The following ASIC2 variants were observed in gnomAD, a reference collection of about 807,000 sequenced individuals.
ASIC2 encodes the protein acid sensing ion channel subunit 2.
ASIC2 carries 25 observed loss-of-function variants against 57.3 expected under a neutral mutation model. That is an observed-to-expected ratio of 0.44 (90% CI 0.32 to 0.61). The LOEUF (loss-of-function observed/expected upper bound fraction) is 0.61. Among genes scored for constraint, ASIC2 ranks in the 20% least tolerant of loss-of-function variants. The probability of loss-of-function intolerance (pLI) is 0.06; values close to 1 mark genes in which losing one functional copy is unlikely to be tolerated. For synonymous variants in ASIC2, 319 were observed against 307.5 expected (o/e 1.04, Z -0.39); for missense variants, 641 against 738.1 (o/e 0.87, Z 1.52).
rs149552216 is a variant in ASIC2 at position 33,207,221 on chromosome 17, C to T, written c.708+84187G>A. On this transcript the variant is annotated intron_variant, in intron 1 of 9. Transcript: ENST00000225823. Reference sequence around the variant, plus strand: ...GAAGAGGACGGACGGAAGTGGTGAACGGCGCTTTATCCTAGCGCTTTCTCA... The same window carrying T: ...GAAGAGGACGGACGGAAGTGGTGAATGGCGCTTTATCCTAGCGCTTTCTCA... Among the ~76,000 whole-genome samples the T allele has an allele frequency of 9.8e-5, 15 of 152,314 alleles. No individual in the cohort carries two copies. The East Asian group carries it at 1.9e-3, about 20-fold the overall frequency.
intron 1 of ASIC2, among the ~76,000 whole-genome samples, chr17:33,350,885 T>C (rs1430410925): frequency 6.6e-6 from 1 of 152,182 alleles, no homozygotes; most frequent in African/African-American, 2.4e-5. Context: ...AAAAAATCCC[T>C]GAATCTCTCT....
chr17:34,064,363 T>C (rs747572883), intron 1 of ASIC2, among the ~76,000 whole-genome samples: 9 of 152,188 alleles, frequency 5.9e-5, no homozygotes, highest in Non-Finnish European at 8.8e-5. Context: ...TCTCACCTTA[T>C]ACAAAAATCA....
chr17:33,576,895 G>A (rs1172420315), intron 1 of ASIC2, among the ~76,000 whole-genome samples: 1 of 152,132 alleles, frequency 6.6e-6, no homozygotes, highest in African/African-American at 2.4e-5. Flanking sequence ...TCTATAAAAT[G>A]GGAGTATCAA....
chr17:33,330,787 A>T (rs1447410223), intron 1 of ASIC2, among the ~76,000 whole-genome samples: 1 of 152,132 alleles, frequency 6.6e-6, no homozygotes, highest in Non-Finnish European at 1.5e-5. Context: ...AGTCATAAGA[A>T]TAGACTTGCA....
chr17:33,892,464 C>T (rs765725952), intron 1 of ASIC2, among the ~76,000 whole-genome samples: 1 of 152,126 alleles, frequency 6.6e-6, no homozygotes. Flanking sequence ...TGGCAACCTC[C>T]TCATCAGCTT....
chr17:33,527,838 C>A (rs1330904884), intron 1 of ASIC2, among the ~76,000 whole-genome samples: 2 of 152,050 alleles, frequency 1.3e-5, no homozygotes, highest in African/African-American at 4.8e-5. Context: ...CACTGAGAGA[C>A]CTGGAGCAAA....
At chr17:33,854,260 TA>T (rs541004043) in intron 1 of ASIC2, among the ~76,000 whole-genome samples, 27 of 151,650 alleles carry the variant, frequency 1.8e-4, no homozygotes, top group African/African-American at 6.1e-4. Flanking sequence ...CATGTCAGTT[TA>T]GTGGGTGGCA....
At chr17:33,771,639 G>A (rs1911116260) in intron 1 of ASIC2, among the ~76,000 whole-genome samples, 1 of 152,034 alleles carries the variant, frequency 6.6e-6, no homozygotes, top group Admixed American at 6.6e-5. Context: ...CCTTTTCCCT[G>A]TCTCACTGCA....
intron 1 of ASIC2, among the ~76,000 whole-genome samples, chr17:34,065,045 G>T (rs1909120215): frequency 6.6e-6 from 1 of 152,004 alleles, no homozygotes; most frequent in South Asian, 2.1e-4. Flanking sequence ...ATCCAGAGAA[G>T]AAGTCATTAT....
At chr17:33,624,076 T>C (rs1301535647) in intron 1 of ASIC2, 1 of 152,238 alleles carries the variant, frequency 6.6e-6, no homozygotes, top group Non-Finnish European at 1.5e-5. Context: ...GTGGCTATTT[T>C]TACTCACCCT....
At chr17:33,163,306 A>G (rs1171081954) in intron 1 of ASIC2, among the ~76,000 whole-genome samples, 1 of 152,118 alleles carries the variant, frequency 6.6e-6, no homozygotes, top group African/African-American at 2.4e-5. Flanking sequence ...CTTCTGTCCT[A>G]GAGGTGGCCT....
intron 1 of ASIC2, among the ~76,000 whole-genome samples, chr17:34,043,156 G>A (rs947704433): frequency 2.6e-5 from 4 of 152,288 alleles, no homozygotes; most frequent in African/African-American, 9.6e-5. Context: ...ATGGTGGCAG[G>A]GTAGGATGGG....
chr17:33,133,503 A>G (rs1056704273), intron 1 of ASIC2, among the ~76,000 whole-genome samples: 2 of 152,208 alleles, frequency 1.3e-5, no homozygotes, highest in African/African-American at 4.8e-5. Flanking sequence ...GTTGCCTTAC[A>G]TGTTATTATG....
chr17:33,518,190 C>T (rs181840498), intron 1 of ASIC2, among the ~76,000 whole-genome samples: 80 of 152,332 alleles, frequency 5.3e-4, no homozygotes, highest in Non-Finnish European at 6.8e-4. Flanking sequence ...TCCTCAATAA[C>T]GCCTGAACTC....
intron 8 of ASIC2, among the ~76,000 whole-genome samples, 186 bp downstream of exon 8, chr17:33,017,418 CA>C (rs1567717512): frequency 6.6e-6 from 1 of 152,168 alleles, no homozygotes; most frequent in African/African-American, 2.4e-5. Flanking sequence ...CACCGCCCCC[CA>C]AAAACCTCCC....
At chr17:33,189,108 T>C (rs1906314562) in intron 1 of ASIC2, among the ~76,000 whole-genome samples, 1 of 152,120 alleles carries the variant, frequency 6.6e-6, no homozygotes, top group African/African-American at 2.4e-5. Context: ...AGAGCTGTAG[T>C]TTTAGGAGTG....
intron 1 of ASIC2, among the ~76,000 whole-genome samples, chr17:33,814,665 C>G (rs1356219736): frequency 2.0e-5 from 3 of 152,192 alleles, no homozygotes; most frequent in African/African-American, 7.2e-5. Flanking sequence ...TGGATGGGAA[C>G]CTATGGGCTT....
At chr17:33,073,979 C>T (rs1422013723) in intron 3 of ASIC2, among the ~76,000 whole-genome samples, 2 of 152,096 alleles carry the variant, frequency 1.3e-5, no homozygotes, top group African/African-American at 2.4e-5. Flanking sequence ...GAGAGAATAG[C>T]TCCTTAGCTC....
chr17:33,121,147 T>C (rs1308333610), intron 1 of ASIC2, among the ~76,000 whole-genome samples: 1 of 152,222 alleles, frequency 6.6e-6, no homozygotes, highest in Non-Finnish European at 1.5e-5. Flanking sequence ...GCATAAGCCC[T>C]GCAGGAGCTA....
Sources: allele counts gnomAD v4.1 joint callset (sites outside exome capture counted in the v4.1 genomes callset), GRCh38; gene constraint gnomAD v4.1.1; transcripts MANE v1.5; gene names NCBI Gene and HGNC (gene_info 2026-07-23, HGNC 2026-07-21).